PITPNM1: variants seen among roughly 807,000 people sequenced by gnomAD.
PITPNM1 encodes the protein membrane-associated phosphatidylinositol transfer protein 1.
PITPNM1 carries 74 observed loss-of-function variants against 133.3 expected under a neutral mutation model. The observed-to-expected ratio is 0.56, with a 90% CI of 0.46 to 0.67. PITPNM1 has a LOEUF of 0.67. Among genes scored for constraint, PITPNM1 ranks in the 30% least tolerant of loss-of-function variants. The pLI, the probability that PITPNM1 is intolerant of heterozygous loss-of-function variation, is 0.00. For missense variants in PITPNM1, 1,398 were observed against 1,739.5 expected, an observed-to-expected ratio of 0.80 and a Z score of 3.49; for synonymous variants, 738 against 741.4, an observed-to-expected ratio of 1.00 and a Z score of 0.08.
intron 5 of PITPNM1, among the ~76,000 whole-genome samples, 189 bp from the exon 6 acceptor site, chr11:67,500,610 TC>T (rs1259722105): frequency 6.6e-6 from 1 of 151,754 alleles, no homozygotes; most frequent in Admixed American, 6.6e-5. Context: ...CCTGCCTGAC[TC>T]CCCCCCGCCC....
At chr11:67,497,195 G>A (rs768569678) in intron 14 of PITPNM1, 36 bp downstream of exon 14, 2 of 1,524,074 alleles carry the variant, frequency 1.3e-6, no homozygotes, top group African/African-American at 2.8e-5. Context: ...GGGGCAGACA[G>A]AGACTAGAGG....
intron 17 of PITPNM1, 51 bp from the exon 18 acceptor site, chr11:67,495,007 C>T: frequency 6.3e-7 from 1 of 1,596,140 alleles, no homozygotes; most frequent in Non-Finnish European, 8.6e-7. Flanking sequence ...GGGAGGGCTG[C>T]CCCTCCCCCG....
At chr11:67,505,969 C>T (rs1158318390), upstream of PITPNM1, among the ~76,000 whole-genome samples, 1 of 152,238 alleles carries the variant, frequency 6.6e-6, no homozygotes, top group East Asian at 1.9e-4. This position sits in a 1 kb window ranked among gnomAD's most constrained non-coding sequence, Gnocchi z 5.8. Flanking sequence ...ACGAGGCACC[C>T]CAAGGCTGGG....
At position 67,495,241 on chromosome 11, in the gene PITPNM1, A is replaced by C; in HGVS notation, c.2483-16T>G. ...CGCTCCAGGACTGCGCGGCCATGGCAGCGAGTCAGGATGGCCTCCTGCCCC... is the reference window on the plus strand; with the variant it reads ...CGCTCCAGGACTGCGCGGCCATGGCCGCGAGTCAGGATGGCCTCCTGCCCC... On this transcript the variant is annotated splice_polypyrimidine_tract_variant and intron_variant, in intron 16 of 23. Coordinates refer to ENST00000356404, the MANE Select transcript of PITPNM1 (RefSeq NM_004910.3). 6.4e-7 allele frequency: 1 copy of C among 1,569,828 alleles called. No individual in the cohort carries two copies. Among genetic ancestry groups the C allele is most frequent in the Non-Finnish European group, 8.7e-7 (1 of 1,153,896 alleles).
At position 67,491,854 on chromosome 11, in the gene PITPNM1, G is replaced by A. The variant is rs531799349; in HGVS notation, c.*179C>T. On this transcript the variant is annotated 3_prime_UTR_variant, in exon 24 of 24. Coordinates refer to ENST00000356404, the MANE Select transcript of PITPNM1 (RefSeq NM_004910.3). Reference sequence around the variant, plus strand: ...TGCCCACGCCCTCCTCCCTCCCCCCGGCGCTGGGTCCCCTCATATGAAAGG... The same window carrying A: ...TGCCCACGCCCTCCTCCCTCCCCCCAGCGCTGGGTCCCCTCATATGAAAGG... 69 of 663,174 alleles carry A rather than the reference G, an allele frequency of 1.0e-4. No homozygotes were observed. The Admixed American group carries it at 1.9e-3, about 19-fold the overall frequency. The allele number at this position is 663,174 out of a possible 1,614,324, so 41.1% of individuals were successfully genotyped here. A position where few individuals can be genotyped will look rare whatever the true frequency, so the allele number is the denominator to read the frequency against.
Position 67,493,851 on chromosome 11 carries a change from G to A in PITPNM1, c.3009-14C>T. The A allele has an allele frequency of 6.5e-7, 1 of 1,534,468 alleles. No homozygotes were observed. Among genetic ancestry groups the A allele is most frequent in the South Asian group, 1.2e-5 (1 of 82,314 alleles). ...GTGTGGTCGCCCCTGCGGCCCACGGGGCGGGGCGTGAGTGGCGCGGGGCGA... is the reference window on the plus strand; with the variant it reads ...GTGTGGTCGCCCCTGCGGCCCACGGAGCGGGGCGTGAGTGGCGCGGGGCGA... On this transcript the variant is annotated splice_polypyrimidine_tract_variant and intron_variant, in intron 20 of 23. Coordinates refer to ENST00000356404, the MANE Select transcript of PITPNM1 (RefSeq NM_004910.3).
intron 8 of PITPNM1, 55 bp from the exon 9 acceptor site, chr11:67,499,056 ATCTGGCACTTCAGG>A: frequency 1.3e-6 from 2 of 1,535,206 alleles, no homozygotes; most frequent in Non-Finnish European, 1.8e-6. Flanking sequence ...GGATCCCCTC[ATCTGGCACTTCAGG>A]CACCCCAGTT....
rs576536829 is a variant in PITPNM1 at position 67,491,941 on chromosome 11, G to C, written c.*92C>G. ...TGGGGCTGGGGGGGCCAGCGCTGGG[G>C]CCAAAAGTCTGGGTCCCCAGCCTCC... is the stretch of plus-strand genomic sequence containing the variant. On this transcript the variant is annotated 3_prime_UTR_variant, in exon 24 of 24. Transcript: ENST00000356404. 4.9e-5 allele frequency: 70 copies of C among 1,439,284 alleles called. No homozygotes were observed. In the African/African-American group the frequency reaches 8.3e-4, roughly 17 times the overall value. 89.2% of individuals were successfully genotyped at this position (1,439,284 alleles called of 1,614,324 possible).
intron 22 of PITPNM1, 75 bp downstream of exon 22, chr11:67,493,335 C>T: frequency 1.4e-6 from 2 of 1,416,426 alleles, no homozygotes; most frequent in Non-Finnish European, 1.9e-6. Flanking sequence ...AGATGGGCCT[C>T]CGCCGATCCG....
chr11:67,494,343 G>T lies in PITPNM1; in HGVS notation c.2760C>A (p.His920Gln). ...CGCACACCACCGTGTCGCTCGCCCGGTGGTTGGAAGTGACGTTCTAGAGGG... is the reference window on the plus strand; with the variant it reads ...CGCACACCACCGTGTCGCTCGCCCGTTGGTTGGAAGTGACGTTCTAGAGGG... ...QVKIRNVTSN[H>Q]RASDTVVCEG... The change falls in exon 19 of 24, where the codon CAC becomes CAA. Residue 920 changes from histidine (H) to glutamine (Q), a missense_variant. This residue lies in a region of PITPNM1 where 233 missense variants were observed against 378.0 expected (regional missense o/e 0.62). Transcript: ENST00000356404. The T allele has an allele frequency of 6.2e-7, 1 of 1,606,112 alleles. No homozygotes were observed. The highest frequency in any genetic ancestry group is 8.5e-7 in the Non-Finnish European group (1 of 1,176,616).
At chr11:67,494,113 G>C (rs376428779) in intron 19 of PITPNM1, 43 bp from the exon 20 acceptor site, 147 of 1,596,970 alleles carry the variant, frequency 9.2e-5, no homozygotes, top group Non-Finnish European at 1.1e-4. Context: ...GGCCCTGCGT[G>C]GAGGTGGGCA....
chr11:67,495,503 C>G lies in PITPNM1; in HGVS notation c.2417G>C (p.Ser806Thr), dbSNP rs1254879654. ...GGCCGGGGGGTCAGTGGCCAACTCACTGCCCTTCCAGAAGGCACCGCTAGT... is the reference window on the plus strand; with the variant it reads ...GGCCGGGGGGTCAGTGGCCAACTCAGTGCCCTTCCAGAAGGCACCGCTAGT... ...TSTSGAFWKG[S>T]ELATDPPAQP... The change falls in exon 16 of 24, where the codon AGT becomes ACT. Residue 806 changes from serine (S) to threonine (T), a missense_variant. Transcript: ENST00000356404. 1 of 1,578,402 alleles carries G rather than the reference C, an allele frequency of 6.3e-7. No homozygotes were observed. The highest frequency in any genetic ancestry group is 1.9e-5 in the Admixed American group (1 of 51,826).
Position 67,505,333 on chromosome 11 carries a change from C to G in PITPNM1, c.-187G>C, listed in dbSNP as rs1184368632. 1 of 151,898 alleles carries G rather than the reference C, an allele frequency of 6.6e-6. No homozygotes were observed. The highest frequency in any genetic ancestry group is 1.5e-5 in the Non-Finnish European group (1 of 67,954). 9.4% of individuals were successfully genotyped at this position (151,898 alleles called of 1,614,324 possible). Reference sequence around the variant, plus strand: ...GCGCAGTGCCGGCCCATGGCCCCGACCTTCCTCTCGATCCGCCCGCCGGCG... The same window carrying G: ...GCGCAGTGCCGGCCCATGGCCCCGAGCTTCCTCTCGATCCGCCCGCCGGCG... On this transcript the variant is annotated 5_prime_UTR_variant, in exon 1 of 24. Coordinates refer to ENST00000356404, the MANE Select transcript of PITPNM1 (RefSeq NM_004910.3). The surrounding 1 kb of genome is among the most constrained non-coding windows in gnomAD (Gnocchi z 5.8).
intron 22 of PITPNM1, 147 bp downstream of exon 22, chr11:67,493,263 G>T: frequency 9.2e-7 from 1 of 1,088,314 alleles, no homozygotes; most frequent in Non-Finnish European, 1.3e-6. Context: ...CTCAAACTAG[G>T]GGAGCAGGAC....
At position 67,502,300 on chromosome 11, in the gene PITPNM1, C is replaced by A. The variant is rs760327436; in HGVS notation, c.407G>T (p.Arg136Leu). The change falls in exon 4 of 24, where the codon CGC (arginine) becomes CTC (leucine). Residue 136 changes from arginine to leucine, a missense_variant. Physicochemically the swap from Arg to Leu is moderately radical, Grantham distance 102 (BLOSUM62 -2). Coordinates refer to ENST00000356404, the MANE Select transcript of PITPNM1 (RefSeq NM_004910.3). The surrounding 1 kb of genome is among the most constrained non-coding windows in gnomAD (Gnocchi z 5.9). ...FNLSGAERRQ[R>L]ILDTIDIVRD... is the part of the protein sequence containing the mutation. ...ATAGCTCCAGGCCTCACCCAGGATGCGCTGTCTCCTCTCGGCCCCGCTCAG... is the reference window on the plus strand; with the variant it reads ...ATAGCTCCAGGCCTCACCCAGGATGAGCTGTCTCCTCTCGGCCCCGCTCAG... 3 of 1,612,998 alleles carry A rather than the reference C, an allele frequency of 1.9e-6. No homozygotes were observed. The highest frequency in any genetic ancestry group is 1.7e-5 in the Admixed American group (1 of 60,022).
chr11:67,494,274 G>A lies in PITPNM1; in HGVS notation c.2829C>T (p.Pro943=). The A allele has an allele frequency of 6.2e-7, 1 of 1,612,686 alleles. No homozygotes were observed. Among genetic ancestry groups the A allele is most frequent in the South Asian group, 1.1e-5 (1 of 91,078 alleles). Residue 943 remains proline (P), a synonymous_variant, in exon 19 of 24, where the codon CCC becomes CCT. Transcript: ENST00000356404. ...CTCCAGTGAGCGTGACGACGTCCAG[G>A]GGCCCGTACATGAAGCGCCCGCTTA... ...QVLSGRFMYG[P]LDVVTLTGEK... is the part of the protein sequence containing the mutation.
At chr11:67,493,320 G>A in intron 22 of PITPNM1, 90 bp downstream of exon 22, 1 of 1,350,994 alleles carries the variant, frequency 7.4e-7, no homozygotes, top group Non-Finnish European at 1.0e-6. Context: ...GATCCAGTTG[G>A]GAACAGATGG....
intron 16 of PITPNM1, 97 bp downstream of exon 16, chr11:67,495,341 C>CTG: frequency 6.8e-7 from 1 of 1,463,480 alleles, no homozygotes. Flanking sequence ...CAAGTCCAGG[C>CTG]TGTGTGCTGG....
At chr11:67,503,542 C>T (rs186034039) in intron 2 of PITPNM1, among the ~76,000 whole-genome samples, 4 of 152,258 alleles carry the variant, frequency 2.6e-5, no homozygotes, top group African/African-American at 7.2e-5. Flanking sequence ...GGGTCCGGGC[C>T]CTCTTGCTTT....
Sources: allele counts gnomAD v4.1 joint callset (sites outside exome capture counted in the v4.1 genomes callset), GRCh38; gene constraint gnomAD v4.1.1; regional missense constraint gnomAD v4.1.1; non-coding constraint Gnocchi (gnomAD v3.1); transcripts MANE v1.5; gene names NCBI Gene and HGNC (gene_info 2026-07-23, HGNC 2026-07-21).